SV2C: variants seen among roughly 807,000 people sequenced by gnomAD.
SV2C encodes solute carrier family 22 member B3.
In SV2C, 49 loss-of-function variants were observed where a neutral mutation model predicts 79.7. That is an observed-to-expected ratio of 0.61 (90% CI 0.49 to 0.78). The LOEUF is 0.78. SV2C is among the 30% of genes least tolerant of loss of function. The pLI is 0.00. For synonymous variants in SV2C, 334 were observed against 333.2 expected (o/e 1.00, Z -0.03); for missense variants, 833 against 912.9 (o/e 0.91, Z 1.13).
At chr5:76,336,102 G>A, downstream of SV2C, among the ~76,000 whole-genome samples, 1 of 58,980 alleles carries the variant, frequency 1.7e-5, no homozygotes, top group East Asian at 2.5e-4. Context: ...GCGGGGGTCT[G>A]ACCCCCCCCA....
chr5:76,134,946 G>C (rs1423473685), intron 2 of SV2C, among the ~76,000 whole-genome samples: 2 of 152,180 alleles, frequency 1.3e-5, no homozygotes, highest in Non-Finnish European at 2.9e-5. Flanking sequence ...TTATAGTCTA[G>C]TAATGGAGAA....
chr5:76,269,301 A>C (rs551724962), intron 4 of SV2C, among the ~76,000 whole-genome samples: 1 of 152,364 alleles, frequency 6.6e-6, no homozygotes, highest in South Asian at 2.1e-4. Context: ...ATAAAAATAC[A>C]GGACCCTTAG....
At chr5:76,126,677 A>G (rs1748715134) in intron 1 of SV2C, among the ~76,000 whole-genome samples, 1 of 152,184 alleles carries the variant, frequency 6.6e-6, no homozygotes, top group Admixed American at 6.5e-5. Flanking sequence ...CCCTCTGCCC[A>G]ATCCCAGCAC....
the SV2C span, among the ~76,000 whole-genome samples, chr5:75,851,026 G>A: frequency 6.6e-6 from 1 of 152,096 alleles, no homozygotes; most frequent in Non-Finnish European, 1.5e-5. Flanking sequence ...ACTCCCACCA[G>A]CCTAACTCCT....
the SV2C span, among the ~76,000 whole-genome samples, chr5:76,058,050 T>G: frequency 6.6e-6 from 1 of 152,202 alleles, no homozygotes; most frequent in Non-Finnish European, 1.5e-5. Flanking sequence ...GAGATACTAT[T>G]ATGGCATATT....
chr5:76,274,257 T>C (rs1746957152), intron 4 of SV2C, among the ~76,000 whole-genome samples: 1 of 152,210 alleles, frequency 6.6e-6, no homozygotes, highest in East Asian at 1.9e-4. Context: ...TAAAAAGTTA[T>C]ACAAGACACT....
chr5:75,934,249 A>G, the SV2C span, among the ~76,000 whole-genome samples: 4 of 148,906 alleles, frequency 2.7e-5, 1 homozygote, highest in Admixed American at 2.7e-4. Flanking sequence ...AGACCAAATG[A>G]CATTGCTTTA....
At chr5:76,026,818 C>A in the SV2C span, among the ~76,000 whole-genome samples, 2 of 152,078 alleles carry the variant, frequency 1.3e-5, no homozygotes, top group Admixed American at 1.3e-4. Context: ...GACGGTGCTA[C>A]AACGGGAAAG....
At chr5:76,120,317 T>C (rs1748438792) in intron 1 of SV2C, among the ~76,000 whole-genome samples, 1 of 152,010 alleles carries the variant, frequency 6.6e-6, no homozygotes. Context: ...AAAGATTTTT[T>C]TTGTTTTGTT....
chr5:75,894,017 G>A, the SV2C span, among the ~76,000 whole-genome samples: 3 of 152,150 alleles, frequency 2.0e-5, no homozygotes, highest in South Asian at 4.2e-4. Flanking sequence ...TTGTTCCACA[G>A]TAAAATATCT....
chr5:75,935,430 G>A, the SV2C span, among the ~76,000 whole-genome samples: 172 of 152,160 alleles, frequency 1.1e-3, 1 homozygote, highest in Admixed American at 5.1e-3. Flanking sequence ...TCCATTTCTA[G>A]GAGTCTACCT....
chr5:76,225,939 T>C (rs1001162353), intron 4 of SV2C, among the ~76,000 whole-genome samples: 1 of 152,182 alleles, frequency 6.6e-6, no homozygotes, highest in Non-Finnish European at 1.5e-5. Flanking sequence ...CCAGAGGTGC[T>C]TCTAGGCTAA....
At chr5:76,254,240 G>A (rs201285708) in intron 4 of SV2C, among the ~76,000 whole-genome samples, 1,264 of 65,366 alleles carry the variant, frequency 0.019, 13 homozygotes, top group South Asian at 0.03. Context: ...ATGTGTGTGT[G>A]TATATATATA....
chr5:75,995,473 A>G, the SV2C span, among the ~76,000 whole-genome samples: 1 of 152,148 alleles, frequency 6.6e-6, no homozygotes, highest in Admixed American at 6.6e-5. Flanking sequence ...CAGGCAACTA[A>G]GATTTCCCTA....
chr5:76,069,737 G>A, the SV2C span, among the ~76,000 whole-genome samples: 1 of 151,766 alleles, frequency 6.6e-6, no homozygotes, highest in South Asian at 2.1e-4. Context: ...TTTCTTTTGG[G>A]GATTGTCTTT....
chr5:76,029,760 A>G, the SV2C span, among the ~76,000 whole-genome samples: 1 of 152,204 alleles, frequency 6.6e-6, no homozygotes, highest in Non-Finnish European at 1.5e-5. Context: ...CTTTAAAAAC[A>G]TTCAGCTTAA....
intron 6 of SV2C, chr5:76,286,848 G>T (rs777244158): frequency 2.6e-5 from 4 of 152,112 alleles, no homozygotes; most frequent in African/African-American, 7.2e-5. Flanking sequence ...ATCAGATACC[G>T]TCAGAACTCA....
At chr5:76,182,940 T>TGTGTGTGTGTGA (rs1190295214) in intron 2 of SV2C, among the ~76,000 whole-genome samples, 9 of 145,232 alleles carry the variant, frequency 6.2e-5, no homozygotes, top group African/African-American at 1.8e-4. Flanking sequence ...TGTGTGTATG[T>TGTGTGTGTGTGA]GAGAGAGAGA....
intron 2 of SV2C, among the ~76,000 whole-genome samples, chr5:76,172,377 A>G (rs1743324803): frequency 1.5e-5 from 1 of 65,774 alleles, no homozygotes; most frequent in African/African-American, 6.3e-5. Context: ...CTGGGAAGTG[A>G]GGAGCCCCTC....
Sources: allele counts gnomAD v4.1 joint callset (sites outside exome capture counted in the v4.1 genomes callset), GRCh38; gene constraint gnomAD v4.1.1; transcripts MANE v1.5; gene names NCBI Gene and HGNC (gene_info 2026-07-23, HGNC 2026-07-21).